OLA1: variants seen among roughly 807,000 people sequenced by gnomAD.
OLA1 encodes the protein obg-like ATPase 1.
OLA1 carries 14 observed loss-of-function variants against 48.4 expected under a neutral mutation model. The observed-to-expected ratio is 0.29, with a 90% CI of 0.19 to 0.45. The LOEUF (loss-of-function observed/expected upper bound fraction) is 0.45. Ranked by LOEUF, OLA1 falls within the 20% of genes least tolerant of loss-of-function variation. OLA1 has a pLI of 1.00. For synonymous variants in OLA1, 127 were observed against 150.4 expected, an observed-to-expected ratio of 0.84 and a Z score of 1.14; for missense variants, 325 against 467.1, an observed-to-expected ratio of 0.70 and a Z score of 2.80.
intron 7 of OLA1, among the ~76,000 whole-genome samples, chr2:174,110,769 GTAGGATGTACCTA>G (rs1685630341): frequency 6.6e-6 from 1 of 152,056 alleles, no homozygotes. Context: ...TTTTGTAGAC[GTAGGATGTACCTA>G]TATTGCTTAG....
At chr2:174,127,147 T>C (rs1449528595) in intron 5 of OLA1, among the ~76,000 whole-genome samples, 1 of 152,142 alleles carries the variant, frequency 6.6e-6, no homozygotes, top group Non-Finnish European at 1.5e-5. Flanking sequence ...GTAATGTATT[T>C]AGACTCACAG....
At chr2:174,141,233 G>C (rs1296225150) in intron 5 of OLA1, among the ~76,000 whole-genome samples, 2 of 152,120 alleles carry the variant, frequency 1.3e-5, no homozygotes, top group Non-Finnish European at 2.9e-5. Context: ...CGCCTGGCCA[G>C]GGCACCGTTT....
chr2:174,077,321 T>TATACATACATAC (rs34621038), intron 10 of OLA1, among the ~76,000 whole-genome samples: 16 of 150,762 alleles, frequency 1.1e-4, no homozygotes, highest in African/African-American at 2.0e-4. Context: ...TAGAAATACA[T>TATACATACATAC]ATACATACAT....
At chr2:174,101,325 T>C (rs1471487226) in intron 7 of OLA1, among the ~76,000 whole-genome samples, 1 of 152,260 alleles carries the variant, frequency 6.6e-6, no homozygotes, top group East Asian at 1.9e-4. Context: ...AAAGTATATG[T>C]TCAAGTCTTG....
intron 4 of OLA1, among the ~76,000 whole-genome samples, chr2:174,182,496 C>T (rs1687571228): frequency 6.6e-6 from 1 of 152,064 alleles, no homozygotes; most frequent in Non-Finnish European, 1.5e-5. Flanking sequence ...ATTGCAACTC[C>T]AGCCTGGGCA....
chr2:174,218,767 G>A (rs1259662708), intron 4 of OLA1, among the ~76,000 whole-genome samples: 2 of 152,114 alleles, frequency 1.3e-5, no homozygotes, highest in Non-Finnish European at 1.5e-5. Flanking sequence ...CCCCAGGGGT[G>A]GGAGGGGACA....
intron 4 of OLA1, among the ~76,000 whole-genome samples, chr2:174,144,951 A>AAAT (rs1181030817): frequency 1.2e-4 from 5 of 40,294 alleles, no homozygotes; most frequent in Non-Finnish European, 1.6e-4. Context: ...AAAAAAAAAA[A>AAAT]ATATATATAT....
At chr2:174,237,065 T>A (rs1042170131) in intron 2 of OLA1, among the ~76,000 whole-genome samples, 1 of 152,202 alleles carries the variant, frequency 6.6e-6, no homozygotes, top group Non-Finnish European at 1.5e-5. Flanking sequence ...AATTTTAACT[T>A]ACTGACTCTT....
intron 4 of OLA1, among the ~76,000 whole-genome samples, chr2:174,161,952 A>T (rs1314244137): frequency 6.6e-6 from 1 of 152,184 alleles, no homozygotes; most frequent in Non-Finnish European, 1.5e-5. Flanking sequence ...ACTGTCAAGG[A>T]GTTTACAGTC....
chr2:174,165,746 C>T (rs566859158), intron 4 of OLA1, among the ~76,000 whole-genome samples: 34 of 152,278 alleles, frequency 2.2e-4, no homozygotes, highest in African/African-American at 7.9e-4. Flanking sequence ...ATTTCAGTAA[C>T]AGAGACAAAA....
chr2:174,245,572 A>G (rs908888760), intron 2 of OLA1, among the ~76,000 whole-genome samples: 2 of 152,204 alleles, frequency 1.3e-5, no homozygotes, highest in African/African-American at 4.8e-5. Flanking sequence ...TTTATATTTT[A>G]AGGTTAGTGA....
At chr2:174,102,021 A>C (rs998433118) in intron 7 of OLA1, among the ~76,000 whole-genome samples, 1 of 152,200 alleles carries the variant, frequency 6.6e-6, no homozygotes, top group African/African-American at 2.4e-5. Context: ...CGATAAGAGA[A>C]TATTCAAATG....
intron 3 of OLA1, among the ~76,000 whole-genome samples, chr2:174,228,090 T>C (rs1688653288): frequency 6.6e-6 from 1 of 152,032 alleles, no homozygotes; most frequent in African/African-American, 2.4e-5. Context: ...AATCAAGAGG[T>C]CATTTTGGAC....
chr2:174,227,959 G>A (rs1455380249), intron 3 of OLA1, among the ~76,000 whole-genome samples: 2 of 152,176 alleles, frequency 1.3e-5, no homozygotes, highest in Admixed American at 6.5e-5. Context: ...ACTGGATACG[G>A]GGTGAGGGGA....
At chr2:174,144,778 C>A (rs576635217) in intron 4 of OLA1, among the ~76,000 whole-genome samples, 2 of 150,630 alleles carry the variant, frequency 1.3e-5, no homozygotes, top group Admixed American at 6.6e-5. Flanking sequence ...CATTGTGAGA[C>A]CTTGTCCCTA....
At chr2:174,186,339 A>G (rs1687654730) in intron 4 of OLA1, among the ~76,000 whole-genome samples, 2 of 152,222 alleles carry the variant, frequency 1.3e-5, no homozygotes, top group African/African-American at 2.4e-5. Context: ...GAACTCCATA[A>G]TCCAAAAATC....
intron 9 of OLA1, among the ~76,000 whole-genome samples, chr2:174,080,404 T>C (rs1574469083): frequency 6.6e-6 from 1 of 152,114 alleles, no homozygotes; most frequent in African/African-American, 2.4e-5. Flanking sequence ...TGTAACATAC[T>C]ATTTAGGATC....
intron 4 of OLA1, among the ~76,000 whole-genome samples, chr2:174,212,750 C>T (rs1249183210): frequency 6.6e-6 from 1 of 151,950 alleles, no homozygotes; most frequent in East Asian, 1.9e-4. Flanking sequence ...ACACAGTAGC[C>T]TAAGCTTACA....
chr2:174,134,524 C>A (rs562929960), intron 5 of OLA1, among the ~76,000 whole-genome samples: 1 of 152,192 alleles, frequency 6.6e-6, no homozygotes, highest in African/African-American at 2.4e-5. Flanking sequence ...CCCTCTCTTG[C>A]CCTTTCTGTA....
Sources: allele counts gnomAD v4.1 joint callset (sites outside exome capture counted in the v4.1 genomes callset), GRCh38; gene constraint gnomAD v4.1.1; transcripts MANE v1.5; gene names NCBI Gene and HGNC (gene_info 2026-07-23, HGNC 2026-07-21).